The following STIMATE variants were observed in gnomAD, a reference collection of about 807,000 sequenced individuals.
STIMATE encodes store-operated calcium entry regulator STIMATE.
Under a neutral mutation model 36.7 loss-of-function variants are expected in STIMATE, and 15 were observed. The ratio of observed to expected loss-of-function variants is 0.41; its 90% CI spans 0.27 to 0.63. The LOEUF (loss-of-function observed/expected upper bound fraction) is 0.63. Among genes scored for constraint, STIMATE ranks in the 20% least tolerant of loss-of-function variants. The pLI is 0.32. For synonymous variants in STIMATE, 163 were observed against 162.3 expected, an observed-to-expected ratio of 1.00 and a Z score of -0.03; for missense variants, 305 against 397.3, an observed-to-expected ratio of 0.77 and a Z score of 1.98.
chr3:52,858,153 T>C (rs1701141425), intron 1 of STIMATE, among the ~76,000 whole-genome samples: 1 of 152,166 alleles, frequency 6.6e-6, no homozygotes, highest in Non-Finnish European at 1.5e-5. Flanking sequence ...AGCCACCCAG[T>C]CTGTGATATT....
intron 1 of STIMATE, 150 bp downstream of exon 1, chr3:52,897,141 C>A: frequency 9.7e-7 from 1 of 1,029,384 alleles, no homozygotes; most frequent in Non-Finnish European, 1.4e-6. Flanking sequence ...CTCGGGCTAC[C>A]CCTAGTGCAG....
chr3:52,874,750 C>G (rs187313005), intron 1 of STIMATE, among the ~76,000 whole-genome samples: 1 of 151,992 alleles, frequency 6.6e-6, no homozygotes, highest in Admixed American at 6.6e-5. Context: ...GCTGAGACAC[C>G]AGAATCGCTT....
At chr3:52,884,588 G>C (rs1396738319) in intron 1 of STIMATE, among the ~76,000 whole-genome samples, 1 of 152,142 alleles carries the variant, frequency 6.6e-6, no homozygotes, top group Non-Finnish European at 1.5e-5. Context: ...CTACCTCAAG[G>C]AAACCACTAA....
At chr3:52,883,892 A>G (rs891944737) in intron 1 of STIMATE, among the ~76,000 whole-genome samples, 1 of 152,104 alleles carries the variant, frequency 6.6e-6, no homozygotes, top group African/African-American at 2.4e-5. Flanking sequence ...TTCTTGGTCT[A>G]TTAATATTAG....
chr3:52,836,977 C>T lies in STIMATE; in HGVS notation c.*3517G>A, dbSNP rs1700714067. On this transcript the variant is annotated 3_prime_UTR_variant, in exon 8 of 8. Coordinates refer to ENST00000355083, the MANE Select transcript of STIMATE (RefSeq NM_198563.5). The stretch of plus-strand genomic sequence containing the variant: ...AACAACCCAACCAACCAACCACCAA[C>T]CAACCCAGGAGCTCAAGGTGCTTGT... 5.3e-6 allele frequency: 1 copy of T among 190,316 alleles called. No individual in the cohort carries two copies. Among genetic ancestry groups the T allele is most frequent in the Non-Finnish European group, 1.1e-5 (1 of 90,088 alleles). 11.8% of individuals were successfully genotyped at this position (190,316 alleles called of 1,614,324 possible). A position where few individuals can be genotyped will look rare whatever the true frequency, so the allele number is the denominator to read the frequency against.
At chr3:52,877,183 G>C (rs553981965) in intron 1 of STIMATE, among the ~76,000 whole-genome samples, 153 of 152,358 alleles carry the variant, frequency 1.0e-3, no homozygotes, top group South Asian at 5.2e-3. Context: ...GGGCAACCCA[G>C]TGCCTGCCTC....
At chr3:52,859,502 C>CA (rs34298807) in intron 1 of STIMATE, among the ~76,000 whole-genome samples, 183 of 15,646 alleles carry the variant, frequency 0.012, 14 homozygotes, top group African/African-American at 0.018. Flanking sequence ...CCCATTTCTC[C>CA]AAAAAAAAAA....
At chr3:52,850,989 A>G (rs960642077) in intron 3 of STIMATE, among the ~76,000 whole-genome samples, 6 of 152,172 alleles carry the variant, frequency 3.9e-5, no homozygotes, top group African/African-American at 1.4e-4. Flanking sequence ...CTGGCCTCCC[A>G]AAGTGTTGGG....
At chr3:52,857,625 A>C (rs999460279) in intron 1 of STIMATE, among the ~76,000 whole-genome samples, 1 of 152,132 alleles carries the variant, frequency 6.6e-6, no homozygotes, top group African/African-American at 2.4e-5. Flanking sequence ...GAGTGGCTGC[A>C]ATTTACTTCT....
At chr3:52,894,148 C>A (rs372869155) in intron 1 of STIMATE, among the ~76,000 whole-genome samples, 23 of 152,316 alleles carry the variant, frequency 1.5e-4, no homozygotes, top group African/African-American at 4.6e-4. Flanking sequence ...GCGTTTCTTT[C>A]TATGCAGATA....
chr3:52,848,904 C>T (rs1406930229), intron 4 of STIMATE, among the ~76,000 whole-genome samples: 2 of 152,232 alleles, frequency 1.3e-5, no homozygotes, highest in Non-Finnish European at 2.9e-5. Context: ...CTGAGCTCAT[C>T]TCCCCTCAAC....
At chr3:52,842,325 A>G (rs1362391789) in intron 7 of STIMATE, among the ~76,000 whole-genome samples, 1 of 152,182 alleles carries the variant, frequency 6.6e-6, no homozygotes, top group South Asian at 2.1e-4. Context: ...CCTTGAACTC[A>G]GAAGACCAGA....
chr3:52,896,126 A>C (rs1182623078), intron 1 of STIMATE, among the ~76,000 whole-genome samples: 1 of 152,152 alleles, frequency 6.6e-6, no homozygotes, highest in Non-Finnish European at 1.5e-5. Context: ...GGGTTACTTA[A>C]AGCCTGAGAG....
intron 4 of STIMATE, among the ~76,000 whole-genome samples, chr3:52,846,216 G>A (rs1343082381): frequency 5.3e-5 from 8 of 152,210 alleles, no homozygotes; most frequent in Non-Finnish European, 1.2e-4. Flanking sequence ...CTCTTCTGAG[G>A]TCTTCCTTTC....
At chr3:52,873,396 T>G (rs952151978) in intron 1 of STIMATE, among the ~76,000 whole-genome samples, 1 of 152,184 alleles carries the variant, frequency 6.6e-6, no homozygotes, top group African/African-American at 2.4e-5. Flanking sequence ...TTAGCAAAGG[T>G]TAAAACATTT....
chr3:52,854,932 T>C (rs1701068644), intron 2 of STIMATE, among the ~76,000 whole-genome samples: 1 of 152,182 alleles, frequency 6.6e-6, no homozygotes, highest in Non-Finnish European at 1.5e-5. Context: ...TCAGAAGTAT[T>C]TTGAGTAGAG....
At chr3:52,881,530 C>T (rs1005875748) in intron 1 of STIMATE, among the ~76,000 whole-genome samples, 1 of 152,038 alleles carries the variant, frequency 6.6e-6, no homozygotes, top group African/African-American at 2.4e-5. Flanking sequence ...AGGTGAAACC[C>T]CGTCTCTACT....
intron 1 of STIMATE, among the ~76,000 whole-genome samples, chr3:52,868,876 T>C (rs1701356419): frequency 6.6e-6 from 1 of 152,160 alleles, no homozygotes; most frequent in Non-Finnish European, 1.5e-5. Context: ...TGCCTTGGCC[T>C]CCCAAAGTGC....
chr3:52,872,098 C>T (rs921778019), intron 1 of STIMATE, among the ~76,000 whole-genome samples: 8 of 152,120 alleles, frequency 5.3e-5, no homozygotes, highest in East Asian at 3.9e-4. Flanking sequence ...GCCTCAACCA[C>T]GGGTGTGCTT....
Sources: gnomAD v4.1 joint callset for allele counts (sites outside exome capture counted in the v4.1 genomes callset) on GRCh38, gnomAD v4.1.1 for gene constraint, MANE v1.5 for transcripts, NCBI Gene and HGNC (gene_info 2026-07-23, HGNC 2026-07-21) for gene names.